Variants in AGMO observed in about 807,000 individuals in gnomAD.
AGMO encodes the protein alkylglycerol monooxygenase.
A neutral mutation model predicts 60.2 loss-of-function variants in AGMO; 75 were observed. The ratio of observed to expected loss-of-function variants is 1.25; its 90% CI spans 1.03 to 1.51. The LOEUF is 1.51. Ranked by LOEUF, AGMO falls within the 40% of genes most tolerant of loss-of-function variation. AGMO has a pLI of 0.00. For synonymous variants in AGMO, 261 were observed against 177.1 expected (o/e 1.47, Z -3.76); for missense variants, 763 against 525.5 (o/e 1.45, Z -4.42).
intron 4 of AGMO, among the ~76,000 whole-genome samples, chr7:15,421,867 G>C (rs1780934113): frequency 6.6e-6 from 1 of 152,120 alleles, no homozygotes; most frequent in African/African-American, 2.4e-5. Context: ...TGTGTCCACA[G>C]TGGGAAGATA....
chr7:15,536,406 T>G (rs1784485102), intron 3 of AGMO, among the ~76,000 whole-genome samples: 1 of 151,958 alleles, frequency 6.6e-6, no homozygotes, highest in African/African-American at 2.4e-5. Flanking sequence ...CATCATCATT[T>G]CAGAAATAAG....
intron 12 of AGMO, among the ~76,000 whole-genome samples, chr7:15,276,522 T>A (rs567548757): frequency 2.0e-5 from 3 of 152,268 alleles, no homozygotes; most frequent in African/African-American, 7.2e-5. Flanking sequence ...TTGATGATAT[T>A]TGTCTTATAT....
intron 4 of AGMO, among the ~76,000 whole-genome samples, chr7:15,428,331 T>C (rs1255580074): frequency 6.6e-6 from 1 of 152,110 alleles, no homozygotes; most frequent in Non-Finnish European, 1.5e-5. Flanking sequence ...ATATCTCATT[T>C]CCCACCATGC....
At chr7:15,337,892 T>C (rs1781713776) in intron 12 of AGMO, among the ~76,000 whole-genome samples, 1 of 152,174 alleles carries the variant, frequency 6.6e-6, no homozygotes, top group South Asian at 2.1e-4. Context: ...TTCTCTCCAG[T>C]GGATTCTTAG....
At chr7:15,488,617 A>G (rs912211720) in intron 3 of AGMO, among the ~76,000 whole-genome samples, 1 of 152,156 alleles carries the variant, frequency 6.6e-6, no homozygotes, top group Non-Finnish European at 1.5e-5. Flanking sequence ...TGAGAATCAC[A>G]GCAAATATTT....
intron 12 of AGMO, among the ~76,000 whole-genome samples, chr7:15,202,706 A>AC (rs1320019483): frequency 2.0e-5 from 3 of 152,130 alleles, no homozygotes; most frequent in Admixed American, 6.6e-5. Flanking sequence ...AATAATATTA[A>AC]CGTCTTGGAG....
chr7:15,444,228 T>C (rs1781640450), intron 3 of AGMO, among the ~76,000 whole-genome samples: 1 of 152,212 alleles, frequency 6.6e-6, no homozygotes, highest in Non-Finnish European at 1.5e-5. Context: ...CACTATTTTA[T>C]TTGCTAAATA....
chr7:15,476,182 T>C (rs1583591913), intron 3 of AGMO, among the ~76,000 whole-genome samples: 1 of 152,120 alleles, frequency 6.6e-6, no homozygotes, highest in African/African-American at 2.4e-5. Context: ...GATGAACTTA[T>C]TATCAAGAAT....
chr7:15,167,740 T>A, the AGMO span, among the ~76,000 whole-genome samples: 1 of 152,220 alleles, frequency 6.6e-6, no homozygotes, highest in African/African-American at 2.4e-5. Flanking sequence ...TGCTTTGGCA[T>A]CATCAACCTG....
intron 3 of AGMO, among the ~76,000 whole-genome samples, chr7:15,473,999 G>T (rs1305015328): frequency 6.6e-6 from 1 of 152,112 alleles, no homozygotes; most frequent in Non-Finnish European, 1.5e-5. Flanking sequence ...TACAAGGGAT[G>T]TGAGGGACCT....
In AGMO at chr7:15,535,175, C is replaced by T. The variant is rs142404030; in HGVS notation, c.409+9597G>A. Among the ~76,000 whole-genome samples the T allele has an allele frequency of 5.3e-5, 8 of 151,940 alleles. No individual in the cohort carries two copies. The East Asian group carries it at 1.2e-3, about 22-fold the overall frequency. On this transcript the variant is annotated intron_variant, in intron 3 of 12. Coordinates refer to ENST00000342526, the MANE Select transcript of AGMO (RefSeq NM_001004320.2). ...TTTGGTTCCAGAGTCTATTATCTTA[C>T]TCTCTATTTACAGAGCCTGTCTCTC...
intron 10 of AGMO, among the ~76,000 whole-genome samples, chr7:15,380,505 C>T (rs79758092): frequency 2.0e-5 from 3 of 151,896 alleles, no homozygotes; most frequent in East Asian, 1.9e-4. Flanking sequence ...TCAAAGAAAT[C>T]GGATATTGAC....
chr7:15,313,520 T>C (rs547220216), intron 12 of AGMO, among the ~76,000 whole-genome samples: 2 of 152,182 alleles, frequency 1.3e-5, no homozygotes, highest in Non-Finnish European at 2.9e-5. Flanking sequence ...CAGATGTGCT[T>C]ATATTTTGCA....
chr7:15,559,411 G>A (rs1785240437), intron 2 of AGMO, among the ~76,000 whole-genome samples: 1 of 151,986 alleles, frequency 6.6e-6, no homozygotes, highest in Admixed American at 6.6e-5. Context: ...CATAAGGTTG[G>A]AAAACAGATA....
At chr7:15,531,497 ATTC>A (rs1252279463) in intron 3 of AGMO, among the ~76,000 whole-genome samples, 3 of 55,096 alleles carry the variant, frequency 5.4e-5, no homozygotes, top group African/African-American at 6.9e-5. Context: ...TTCTATATAT[ATTC>A]TATATATATT....
At chr7:15,206,701 T>C (rs768128391) in intron 12 of AGMO, among the ~76,000 whole-genome samples, 1 of 152,194 alleles carries the variant, frequency 6.6e-6, no homozygotes, top group Non-Finnish European at 1.5e-5. Flanking sequence ...TTGCACACCT[T>C]ATTGAAAAGA....
the AGMO span, among the ~76,000 whole-genome samples, chr7:15,120,144 A>G: frequency 1.3e-5 from 2 of 152,202 alleles, no homozygotes; most frequent in African/African-American, 4.8e-5. Context: ...AAAAGAACAA[A>G]AAAGCTCAAT....
intron 3 of AGMO, among the ~76,000 whole-genome samples, chr7:15,499,494 C>T (rs1326744993): frequency 3.3e-5 from 5 of 151,812 alleles, no homozygotes; most frequent in Non-Finnish European, 5.9e-5. Context: ...CTCAACAATA[C>T]ACACTTTTTT....
intron 12 of AGMO, among the ~76,000 whole-genome samples, chr7:15,202,653 T>C (rs949942412): frequency 1.3e-5 from 2 of 151,856 alleles, no homozygotes; most frequent in African/African-American, 4.8e-5. Context: ...TATGAAAAAA[T>C]ACTAAAAATA....
Sources: gnomAD v4.1 joint callset for allele counts (sites outside exome capture counted in the v4.1 genomes callset) on GRCh38, gnomAD v4.1.1 for gene constraint, MANE v1.5 for transcripts, NCBI Gene and HGNC (gene_info 2026-07-23, HGNC 2026-07-21) for gene names.